Variants in NRXN3 observed in about 807,000 individuals in gnomAD.
NRXN3 encodes neurexin 3.
Under a neutral mutation model 137.6 loss-of-function variants are expected in NRXN3, and 32 were observed. That is an observed-to-expected ratio of 0.23 (90% CI 0.18 to 0.31). The LOEUF is 0.31. Ranked by LOEUF, NRXN3 falls within the 10% of genes least tolerant of loss-of-function variation. NRXN3 has a pLI of 1.00. For missense variants in NRXN3, 1,574 were observed against 2,062.5 expected (o/e 0.76, Z 4.59); for synonymous variants, 798 against 784.5 (o/e 1.02, Z -0.29).
At chr14:78,738,624 T>C (rs1036036271) in intron 8 of NRXN3, among the ~76,000 whole-genome samples, 2 of 152,172 alleles carry the variant, frequency 1.3e-5, no homozygotes, top group African/African-American at 4.8e-5. Context: ...TAGGGAAAAC[T>C]CTACGCATGA....
intron 15 of NRXN3, chr14:79,279,295 G>A (rs955988714): frequency 1.0e-6 from 1 of 956,916 alleles, no homozygotes; most frequent in Non-Finnish European, 1.2e-6. Context: ...CCTCGGCAGA[G>A]CGCTGGGGCT....
chr14:78,206,845 G>C (rs1364156311), intron 1 of NRXN3, among the ~76,000 whole-genome samples: 1 of 152,006 alleles, frequency 6.6e-6, no homozygotes, highest in Non-Finnish European at 1.5e-5. Context: ...TTCCTGTTTT[G>C]CCACATCGGA....
chr14:79,257,722 A>G (rs1043720453), intron 15 of NRXN3, among the ~76,000 whole-genome samples: 69 of 151,332 alleles, frequency 4.6e-4, no homozygotes, highest in African/African-American at 1.6e-3. Context: ...GACCAGAGGG[A>G]AAAAAATGAC....
intron 15 of NRXN3, among the ~76,000 whole-genome samples, chr14:79,093,454 A>G (rs770741488): frequency 6.6e-6 from 1 of 152,200 alleles, no homozygotes; most frequent in Non-Finnish European, 1.5e-5. Flanking sequence ...GATTTATACA[A>G]TGGAGAACAA....
intron 4 of NRXN3, among the ~76,000 whole-genome samples, chr14:78,501,285 C>A (rs1035652804): frequency 1.3e-5 from 2 of 152,094 alleles, no homozygotes; most frequent in South Asian, 2.1e-4. Context: ...TCCTAAGGGT[C>A]GACTGGCAAA....
chr14:79,662,111 C>T (rs2098537233), intron 16 of NRXN3, among the ~76,000 whole-genome samples: 1 of 152,094 alleles, frequency 6.6e-6, no homozygotes, highest in Non-Finnish European at 1.5e-5. Context: ...GCTTTCCAGG[C>T]CCCCACAGCC....
intron 15 of NRXN3, among the ~76,000 whole-genome samples, chr14:79,378,694 T>G (rs1211580974): frequency 6.6e-6 from 1 of 152,120 alleles, no homozygotes; most frequent in Non-Finnish European, 1.5e-5. Context: ...TCCAAGTACC[T>G]CACAAAGGTA....
rs147287284 is a variant in NRXN3, at chr14:79,527,683, G to A, written c.3444+60281G>A. ...AGTTCAGGAGTTCAAGCCCAGCCTG[G>A]CCAACATGGTGAAACCCCGTCTCTA... is the stretch of plus-strand genomic sequence containing the variant. On this transcript the variant is annotated intron_variant, in intron 16 of 20. Transcript: ENST00000335750. Among the ~76,000 whole-genome samples, 102 of 151,888 alleles carry A rather than the reference G, an allele frequency of 6.7e-4. 1 individual carries two copies. Among genetic ancestry groups the A allele is most frequent in the African/African-American group, 2.4e-3 (98 of 41,432 alleles).
chr14:78,465,042 T>G (rs2095057174), intron 4 of NRXN3, among the ~76,000 whole-genome samples: 1 of 152,182 alleles, frequency 6.6e-6, no homozygotes, highest in African/African-American at 2.4e-5. Flanking sequence ...GTTTATTTCA[T>G]TCAACCCACA....
intron 6 of NRXN3, among the ~76,000 whole-genome samples, chr14:78,671,032 A>G (rs186690553): frequency 9.2e-5 from 14 of 152,334 alleles, no homozygotes; most frequent in Admixed American, 3.3e-4. Context: ...AAACCACATC[A>G]AAAGGAAGAA....
chr14:78,926,770 A>AAATATATATTATATAT (rs1157353264), intron 10 of NRXN3, among the ~76,000 whole-genome samples: 1 of 44,890 alleles, frequency 2.2e-5, no homozygotes, highest in African/African-American at 1.4e-4. Flanking sequence ...TATTATATAT[A>AAATATATATTATATAT]TTATATATAT....
At chr14:79,301,448 C>G (rs970593507) in intron 15 of NRXN3, among the ~76,000 whole-genome samples, 3 of 151,946 alleles carry the variant, frequency 2.0e-5, no homozygotes, top group African/African-American at 7.3e-5. Context: ...CTAATAGGTG[C>G]CACTCAACCT....
At chr14:78,484,153 T>G (rs1020972179) in intron 4 of NRXN3, among the ~76,000 whole-genome samples, 3 of 152,118 alleles carry the variant, frequency 2.0e-5, no homozygotes, top group Non-Finnish European at 4.4e-5. Flanking sequence ...TTAATGCAGC[T>G]GCGGAATAAT....
At chr14:78,577,747 T>C (rs540120294) in intron 4 of NRXN3, among the ~76,000 whole-genome samples, 1 of 152,282 alleles carries the variant, frequency 6.6e-6, no homozygotes, top group South Asian at 2.1e-4. Context: ...TAAAAAATCT[T>C]TAATGTTGCG....
chr14:79,454,485 G>A (rs546352609), intron 15 of NRXN3, among the ~76,000 whole-genome samples: 1 of 152,188 alleles, frequency 6.6e-6, no homozygotes, highest in Non-Finnish European at 1.5e-5. Context: ...CAAAGTGCTG[G>A]GAATACAGGC....
chr14:78,174,273 G>A (rs918801182), intron 1 of NRXN3, among the ~76,000 whole-genome samples: 2 of 152,130 alleles, frequency 1.3e-5, no homozygotes, highest in African/African-American at 4.8e-5. Flanking sequence ...TTGATGCCTG[G>A]ACAGTAGAGC....
chr14:79,396,002 A>G (rs996110734), intron 15 of NRXN3, among the ~76,000 whole-genome samples: 1 of 152,218 alleles, frequency 6.6e-6, no homozygotes, highest in African/African-American at 2.4e-5. Context: ...ATAAATTTGC[A>G]CACATATATA....
intron 15 of NRXN3, among the ~76,000 whole-genome samples, chr14:79,157,411 G>A (rs1280255211): frequency 6.6e-6 from 1 of 151,734 alleles, no homozygotes; most frequent in Non-Finnish European, 1.5e-5. Flanking sequence ...AAAATAAATG[G>A]ACAAAGCTGG....
chr14:79,465,133 G>A (rs997521057), intron 15 of NRXN3, among the ~76,000 whole-genome samples: 10 of 152,076 alleles, frequency 6.6e-5, no homozygotes, highest in African/African-American at 2.2e-4. Context: ...GTAACCTTCA[G>A]TTTTCCAAAT....
Sources: gnomAD v4.1 joint callset for allele counts (sites outside exome capture counted in the v4.1 genomes callset) on GRCh38, gnomAD v4.1.1 for gene constraint, MANE v1.5 for transcripts, NCBI Gene and HGNC (gene_info 2026-07-23, HGNC 2026-07-21) for gene names.